The following VPS13B variants were observed in gnomAD, a reference collection of about 807,000 sequenced individuals.
VPS13B encodes the protein vacuolar protein sorting 13 homolog B, also known as intermembrane lipid transfer protein VPS13B.
VPS13B carries 285 observed loss-of-function variants against 426.4 expected under a neutral mutation model. The observed-to-expected ratio is 0.67, with a 90% CI of 0.61 to 0.74. The LOEUF (loss-of-function observed/expected upper bound fraction) is 0.74. Among genes scored for constraint, VPS13B ranks in the 30% least tolerant of loss-of-function variants. VPS13B has a pLI of 0.00. For synonymous variants in VPS13B, 1,676 were observed against 1,676.4 expected (o/e 1.00, Z 0.01); for missense variants, 4,537 against 4,782.6 (o/e 0.95, Z 1.51).
intron 21 of VPS13B, among the ~76,000 whole-genome samples, chr8:99,414,239 C>CT (rs373183960): frequency 0.2 from 26,794 of 134,680 alleles, 2,686 homozygotes; most frequent in East Asian, 0.35. Context: ...GCAACCCCTG[C>CT]TTTTTTTTTT....
intron 39 of VPS13B, among the ~76,000 whole-genome samples, chr8:99,736,558 G>A (rs1463638427): frequency 6.6e-6 from 1 of 152,138 alleles, no homozygotes; most frequent in Non-Finnish European, 1.5e-5. Flanking sequence ...AGGCGACAGA[G>A]CGAGACTCTT....
In VPS13B at chr8:99,854,412, C is replaced by A. The variant is rs72676265; in HGVS notation, c.10867+156C>A. Among the ~76,000 whole-genome samples the A allele has an allele frequency of 5.2e-3, 798 of 152,254 alleles. 3 individuals carry two copies. The highest frequency in any genetic ancestry group is 0.021 in the South Asian group (100 of 4,824). ...CACAGAACTGGATCTAAATCTAGAGCCTGCCACTGTTAGCTGTAAGACTTT... is the reference window on the plus strand; with the variant it reads ...CACAGAACTGGATCTAAATCTAGAGACTGCCACTGTTAGCTGTAAGACTTT... On this transcript the variant is annotated intron_variant, in intron 56 of 61. Coordinates refer to ENST00000357162, the MANE Select transcript of VPS13B (RefSeq NM_152564.5).
intron 19 of VPS13B, among the ~76,000 whole-genome samples, chr8:99,283,562 AT>A (rs1819274815): frequency 6.6e-6 from 1 of 152,200 alleles, no homozygotes; most frequent in South Asian, 2.1e-4. Context: ...TTGGAACTAA[AT>A]GAAGAGATGC....
chr8:99,151,626 C>T (rs908713791), intron 14 of VPS13B, among the ~76,000 whole-genome samples: 28 of 151,936 alleles, frequency 1.8e-4, no homozygotes, highest in East Asian at 1.9e-4. Flanking sequence ...CTCCACCTCC[C>T]GGGTTCAAGC....
intron 35 of VPS13B, among the ~76,000 whole-genome samples, chr8:99,690,758 A>T (rs911570935): frequency 6.6e-6 from 1 of 152,240 alleles, no homozygotes; most frequent in Non-Finnish European, 1.5e-5. Context: ...ACATGAAAAA[A>T]TGCTGAACAT....
chr8:99,481,710 G>C lies in VPS13B; in HGVS notation c.3778G>C (p.Val1260Leu). 5 of 1,614,026 alleles carry C rather than the reference G, an allele frequency of 3.1e-6. No individual in the cohort carries two copies. Among genetic ancestry groups the C allele is most frequent in the Non-Finnish European group, 4.2e-6 (5 of 1,179,916 alleles). The change falls in exon 25 of 62, where the codon GTT (valine) becomes CTT (leucine). Residue 1260 changes from valine to leucine, a missense_variant. By Grantham distance (32) the Val-to-Leu change is conservative. This residue lies in a region of VPS13B where 4,311 missense variants were observed against 4,474.3 expected (regional missense o/e 0.96). Coordinates refer to ENST00000357162, the MANE Select transcript of VPS13B (RefSeq NM_152564.5). ...CTCTCCAGAGACCATGGCAGGGCCT[G>C]TTCCTACTTCTCCAGTTAGAAGCAG... is the stretch of plus-strand genomic sequence containing the variant. Reference protein sequence around the residue: ...PTSPETMAGPVPTSPVRSSIG... With the variant: ...PTSPETMAGPLPTSPVRSSIG...
intron 17 of VPS13B, among the ~76,000 whole-genome samples, chr8:99,244,531 A>G (rs1175137344): frequency 6.6e-6 from 1 of 152,266 alleles, no homozygotes; most frequent in East Asian, 1.9e-4. Flanking sequence ...CCATGGTTAC[A>G]GAACAAAAAT....
chr8:99,844,931 G>C (rs963289781), intron 54 of VPS13B, among the ~76,000 whole-genome samples: 2 of 152,142 alleles, frequency 1.3e-5, no homozygotes, highest in Admixed American at 1.3e-4. Flanking sequence ...TCCAGACACA[G>C]GCAACAGCAG....
At chr8:99,581,114 T>A (rs544123669) in intron 33 of VPS13B, among the ~76,000 whole-genome samples, 1 of 145,912 alleles carries the variant, frequency 6.9e-6, no homozygotes, top group South Asian at 2.2e-4. Flanking sequence ...ACCTGGGAGG[T>A]CGAGGCTGCA....
At chr8:99,534,051 A>G (rs1823066504) in intron 30 of VPS13B, among the ~76,000 whole-genome samples, 1 of 152,218 alleles carries the variant, frequency 6.6e-6, no homozygotes. Flanking sequence ...TTGGTTTCAA[A>G]TAATTCCCTT....
At chr8:99,437,525 A>G (rs1311999726) in intron 22 of VPS13B, among the ~76,000 whole-genome samples, 3 of 151,894 alleles carry the variant, frequency 2.0e-5, no homozygotes, top group Admixed American at 6.6e-5. Context: ...CAAGACCAGC[A>G]TGGCTAACAT....
At chr8:99,212,660 T>TTTCTCTTCCTACA (rs141294294) in intron 17 of VPS13B, among the ~76,000 whole-genome samples, 2 of 151,756 alleles carry the variant, frequency 1.3e-5, no homozygotes, top group Non-Finnish European at 2.9e-5. Context: ...AGGTGGTCTT[T>TTTCTCTTCCTACA]TTCTCTTCTT....
intron 43 of VPS13B, among the ~76,000 whole-genome samples, chr8:99,791,577 G>C (rs1459843300): frequency 6.6e-6 from 1 of 152,082 alleles, no homozygotes; most frequent in Non-Finnish European, 1.5e-5. Flanking sequence ...TACAAACAGA[G>C]ACTACTATGG....
intron 3 of VPS13B, among the ~76,000 whole-genome samples, chr8:99,076,553 A>G (rs951640006): frequency 2.7e-5 from 4 of 150,152 alleles, no homozygotes; most frequent in African/African-American, 9.8e-5. Context: ...AGGTGCATAT[A>G]TATTTAGAAT....
intron 36 of VPS13B, among the ~76,000 whole-genome samples, chr8:99,707,768 C>T (rs1321501681): frequency 6.6e-6 from 1 of 152,154 alleles, no homozygotes; most frequent in Non-Finnish European, 1.5e-5. Context: ...AGTCTTAACT[C>T]CCTCATTGAG....
intron 61 of VPS13B, among the ~76,000 whole-genome samples, chr8:99,873,486 C>CAGA (rs1377547839): frequency 2.0e-5 from 3 of 152,180 alleles, no homozygotes; most frequent in Non-Finnish European, 4.4e-5. Flanking sequence ...ATGCCTAAAA[C>CAGA]AGAAGTGGGA....
intron 39 of VPS13B, among the ~76,000 whole-genome samples, chr8:99,729,201 T>C (rs1013090922): frequency 6.6e-6 from 1 of 152,212 alleles, no homozygotes; most frequent in Admixed American, 6.5e-5. Flanking sequence ...CCAGGGGATC[T>C]ATTTTATGTC....
chr8:99,778,989 T>G lies in VPS13B; in HGVS notation c.7737T>G (p.His2579Gln). The change falls in exon 42 of 62, where the codon CAT becomes CAG. Residue 2579 changes from histidine (H) to glutamine (Q), a missense_variant. By Grantham distance (24) the His-to-Gln change is conservative. Coordinates refer to ENST00000357162, the MANE Select transcript of VPS13B (RefSeq NM_152564.5). ...VDSVFVNLGQ[H>Q]VVHSLNTAIQ... ...CTGTATTTGTAAACCTTGGACAGCA[T>G]GTAGTCCATTCACTAAACACTGCAA... 1 of 1,613,832 alleles carries G rather than the reference T, an allele frequency of 6.2e-7. No individual in the cohort carries two copies. Among genetic ancestry groups the G allele is most frequent in the Middle Eastern group, 1.7e-4 (1 of 6,058 alleles).
intron 35 of VPS13B, among the ~76,000 whole-genome samples, chr8:99,691,102 C>T (rs753245562): frequency 1.2e-4 from 18 of 151,976 alleles, no homozygotes; most frequent in Non-Finnish European, 2.1e-4. Context: ...TGAAGGAAAC[C>T]GGGTACAAAA....
Sources: allele counts gnomAD v4.1 joint callset (sites outside exome capture counted in the v4.1 genomes callset), GRCh38; gene constraint gnomAD v4.1.1; regional missense constraint gnomAD v4.1.1; transcripts MANE v1.5; gene names NCBI Gene and HGNC (gene_info 2026-07-23, HGNC 2026-07-21).